SOX7: variants seen among roughly 807,000 people sequenced by gnomAD.
The protein encoded by SOX7 is SRY-box transcription factor 7, also known as transcription factor SOX-7.
Under a neutral mutation model 24.9 loss-of-function variants are expected in SOX7, and 19 were observed. That is an observed-to-expected ratio of 0.76 (90% CI 0.53 to 1.12). The LOEUF is 1.12. Ranked by LOEUF, SOX7 falls within the 50% of genes most tolerant of loss-of-function variation. The pLI is 0.00. For synonymous variants in SOX7, 327 were observed against 244.5 expected (o/e 1.34, Z -3.15); for missense variants, 702 against 535.0 (o/e 1.31, Z -3.08).
At position 10,730,360 on chromosome 8, in the gene SOX7, T is replaced by G; in HGVS notation, c.74A>C (p.Asp25Ala). 3.2e-6 allele frequency: 5 copies of G among 1,563,386 alleles called. No individual in the cohort carries two copies. Among genetic ancestry groups the G allele is most frequent in the Non-Finnish European group, 3.5e-6 (4 of 1,159,056 alleles). The change falls in exon 1 of 2, where the codon GAT (aspartate) becomes GCT (alanine). Residue 25 changes from aspartate (D) to alanine (A), a missense_variant. Coordinates refer to ENST00000304501, the MANE Select transcript of SOX7 (RefSeq NM_031439.4). This position sits in a 1 kb window ranked among gnomAD's most constrained non-coding sequence, Gnocchi z 4.8. ...ECPALDAELS[D>A]GQSPPAVPRP... ...GGGGACGGCCGGCGGCGATTGTCCA[T>G]CCGACAGCTCGGCGTCCAGGGCCGG...
intron 1 of SOX7, among the ~76,000 whole-genome samples, chr8:10,728,916 T>A (rs1206590191): frequency 6.6e-6 from 1 of 152,250 alleles, no homozygotes; most frequent in Non-Finnish European, 1.5e-5. Flanking sequence ...AATAAAATGT[T>A]TTATTATTGT....
At chr8:10,728,237 C>G (rs1800193218) in intron 1 of SOX7, among the ~76,000 whole-genome samples, 1 of 152,174 alleles carries the variant, frequency 6.6e-6, no homozygotes, top group Non-Finnish European at 1.5e-5. Context: ...AATACGTGTT[C>G]ATTTAAAAAT....
rs1448040689 is a variant in SOX7, at chr8:10,725,852, G to T, written c.1053C>A (p.Leu351=). 1 of 1,614,238 alleles carries T rather than the reference G, an allele frequency of 6.2e-7. No individual in the cohort carries two copies. ...HPDSATGAMA[L]SGHVPVSQVT... Reference sequence around the variant, plus strand: ...CCTGGGAGACCGGAACATGCCCACTGAGGGCCATGGCCCCTGTGGCGGAGT... The same window carrying T: ...CCTGGGAGACCGGAACATGCCCACTTAGGGCCATGGCCCCTGTGGCGGAGT... The change falls in exon 2 of 2, where the codon CTC becomes CTA. Residue 351 remains leucine (L), a synonymous_variant. Coordinates refer to ENST00000304501, the MANE Select transcript of SOX7 (RefSeq NM_031439.4).
In SOX7 at chr8:10,726,336, G is replaced by T; in HGVS notation, c.569C>A (p.Thr190Asn). The T allele has an allele frequency of 6.2e-7, 1 of 1,612,628 alleles. No homozygotes were observed. The highest frequency in any genetic ancestry group is 8.5e-7 in the Non-Finnish European group (1 of 1,179,646). ...CGGGTACGTGTCCACACTGCTCGGG[G>T]TGCCGCCGCCGCCACCACCAGCCGG... is the stretch of plus-strand genomic sequence containing the variant. ...EGPAGGGGGG[T>N]PSSVDTYPYG... Residue 190 changes from threonine (T) to asparagine (N), a missense_variant, in exon 2 of 2, where the codon ACC becomes AAC. Transcript: ENST00000304501.
chr8:10,730,161 CGG>C lies in SOX7; in HGVS notation c.238+33_238+34del. ...CCGCCAGCCGCCCGCCGCCCGCCCC[CGG>C]CCCCCAGCCCGCTCGGCCGCGCGCT... On this transcript the variant is annotated intron_variant, in intron 1 of 1. Transcript: ENST00000304501. This position sits in a 1 kb window ranked among gnomAD's most constrained non-coding sequence, Gnocchi z 4.8. 1.4e-6 allele frequency: 2 copies of C among 1,413,806 alleles called. No homozygotes were observed. The highest frequency in any genetic ancestry group is 1.8e-6 in the Non-Finnish European group (2 of 1,081,976). The allele number at this position is 1,413,806 out of a possible 1,614,324, so 87.6% of individuals were successfully genotyped here.
In SOX7 at chr8:10,726,384, A is replaced by T; in HGVS notation, c.521T>A (p.Leu174His). ...EYSPGTALPS[L>H]RGCYHEGPAG... ...CGGCCCCTCGTGGTAGCAGCCCCGG[A>T]GGCTGGGCAGGGCAGTGCCGGGGGA... The change falls in exon 2 of 2, where the codon CTC becomes CAC. Residue 174 changes from leucine (L) to histidine (H), a missense_variant. Leu to His is a moderately conservative substitution (Grantham distance 99). Transcript: ENST00000304501. 6.2e-7 allele frequency: 1 copy of T among 1,612,304 alleles called. No homozygotes were observed.
intron 1 of SOX7, among the ~76,000 whole-genome samples, chr8:10,728,173 A>G (rs7836366): frequency 0.66 from 100,591 of 152,154 alleles, 34,197 homozygotes; most frequent in African/African-American, 0.82. Context: ...TGTGGTCTCA[A>G]TATAAAATGT....
intron 1 of SOX7, among the ~76,000 whole-genome samples, chr8:10,727,263 G>A (rs560882564): frequency 2.0e-5 from 3 of 152,256 alleles, no homozygotes; most frequent in South Asian, 4.1e-4. Context: ...TCTGAAGGTC[G>A]AATAGAACCC....
Position 10,726,478 on chromosome 8 carries a change from T to G in SOX7, c.427A>C (p.Asn143His), listed in dbSNP as rs1212903834. 1 of 1,612,332 alleles carries G rather than the reference T, an allele frequency of 6.2e-7. No homozygotes were observed. The highest frequency in any genetic ancestry group is 1.7e-5 in the Admixed American group (1 of 60,016). Residue 143 changes from asparagine (N) to histidine (H), a missense_variant, in exon 2 of 2, where the codon AAC becomes CAC. Physicochemically the swap from Asn to His is moderately conservative, Grantham distance 68. Coordinates refer to ENST00000304501, the MANE Select transcript of SOX7 (RefSeq NM_031439.4). ...FLLSSLSRDQ[N>H]ALPEKRSGSR... is the part of the protein sequence containing the mutation. ...CCGCTTCTCTTCTCCGGCAGGGCGT[T>G]CTGGTCCCGGGAGAGGGAGCTCAGA...
chr8:10,726,814 T>G, intron 1 of SOX7, 148 bp from the exon 2 acceptor site: 1 of 728,772 alleles, frequency 1.4e-6, no homozygotes, highest in Non-Finnish European at 2.2e-6. Context: ...TTGCACCCTC[T>G]TCCCAGCCCA....
Position 10,726,280 on chromosome 8 carries a change from G to T in SOX7, c.625C>A (p.Pro209Thr). 1 of 1,613,902 alleles carries T rather than the reference G, an allele frequency of 6.2e-7. No individual in the cohort carries two copies. Among genetic ancestry groups the T allele is most frequent in the Non-Finnish European group, 8.5e-7 (1 of 1,179,980 alleles). The change falls in exon 2 of 2, where the codon CCC becomes ACC. Residue 209 changes from proline to threonine, a missense_variant. Transcript: ENST00000304501. Reference sequence around the variant, plus strand: ...TGCTCCGGCTCCAGCACGTCCAGGGGAGACATTTCAGGAGGTGTGGGCAGC... The same window carrying T: ...TGCTCCGGCTCCAGCACGTCCAGGGTAGACATTTCAGGAGGTGTGGGCAGC... The part of the protein sequence containing the change: ...YGLPTPPEMS[P>T]LDVLEPEQTF...
intron 1 of SOX7, among the ~76,000 whole-genome samples, chr8:10,727,880 G>C (rs1464821132): frequency 6.6e-6 from 1 of 152,268 alleles, no homozygotes; most frequent in Non-Finnish European, 1.5e-5. Flanking sequence ...GCCAGGTGCA[G>C]AGCCGTGCAC....
chr8:10,725,679 C>A lies in SOX7; in HGVS notation c.*59G>T. 6.3e-7 allele frequency: 1 copy of A among 1,583,908 alleles called. No homozygotes were observed. Among genetic ancestry groups the A allele is most frequent in the South Asian group, 1.1e-5 (1 of 89,518 alleles). On this transcript the variant is annotated 3_prime_UTR_variant, in exon 2 of 2. Coordinates refer to ENST00000304501, the MANE Select transcript of SOX7 (RefSeq NM_031439.4). ...CTGGTGTGGCTGGACGGCTCCTCTG[C>A]CACTCAAGGCACAAGAAGGAGAGGG...
At position 10,725,713 on chromosome 8, in the gene SOX7, C is replaced by G; in HGVS notation, c.*25G>C. ...GCACAAGAAGGAGAGGGCGCGAGGG[C>G]TGACCGGACGGGGCGCCTCCAGCTC... is the stretch of plus-strand genomic sequence containing the variant. On this transcript the variant is annotated 3_prime_UTR_variant, in exon 2 of 2. Coordinates refer to ENST00000304501, the MANE Select transcript of SOX7 (RefSeq NM_031439.4). The G allele has an allele frequency of 6.2e-7, 1 of 1,613,490 alleles. No homozygotes were observed. Among genetic ancestry groups the G allele is most frequent in the Non-Finnish European group, 8.5e-7 (1 of 1,179,762 alleles).
chr8:10,730,134 TGCCGCCA>T lies in SOX7; in HGVS notation c.238+55_238+61del. Reference sequence around the variant, plus strand: ...CTCCGCGCTCGCACCCGCCCTGCAGTGCCGCCAGCCGCCCGCCGCCCGCCCCCGGCCC... The same window carrying T: ...CTCCGCGCTCGCACCCGCCCTGCAGTGCCGCCCGCCGCCCGCCCCCGGCCC... On this transcript the variant is annotated intron_variant, in intron 1 of 1. Coordinates refer to ENST00000304501, the MANE Select transcript of SOX7 (RefSeq NM_031439.4). The surrounding 1 kb of genome is among the most constrained non-coding windows in gnomAD (Gnocchi z 4.8). 7.9e-7 allele frequency: 1 copy of T among 1,272,620 alleles called. No individual in the cohort carries two copies. The highest frequency in any genetic ancestry group is 1.0e-6 in the Non-Finnish European group (1 of 987,858). The allele number at this position is 1,272,620 out of a possible 1,614,324, so 78.8% of individuals were successfully genotyped here. A position where few individuals can be genotyped will look rare whatever the true frequency, so the allele number is the denominator to read the frequency against.
rs1800162302 is a variant in SOX7, at chr8:10,726,647, C to T, written c.258G>A (p.Leu86=). The T allele has an allele frequency of 8.9e-6, 14 of 1,578,794 alleles. No homozygotes were observed. Among genetic ancestry groups the T allele is most frequent in the Non-Finnish European group, 1.0e-5 (12 of 1,166,728 alleles). The change falls in exon 2 of 2, where the codon CTG becomes CTA. Residue 86 remains leucine, a synonymous_variant. Coordinates refer to ENST00000304501, the MANE Select transcript of SOX7 (RefSeq NM_031439.4). ...SKMLGKSWKA[L]TLSQKRPYVD... is the part of the protein sequence containing the mutation. ...CGTACGGCCTCTTCTGGGACAGCGT[C>T]AGCGCCTTCCACGACTTTCCTGCTC...
chr8:10,726,729 C>G lies in SOX7; in HGVS notation c.239-63G>C, dbSNP rs1004211561. The G allele has an allele frequency of 3.7e-5, 52 of 1,408,404 alleles. 1 individual carries two copies. The highest frequency in any genetic ancestry group is 2.7e-5 in the Non-Finnish European group (28 of 1,047,148). The allele number at this position is 1,408,404 out of a possible 1,614,324, so 87.2% of individuals were successfully genotyped here. Reference sequence around the variant, plus strand: ...GTGCCCCGCAGGCATCGCACATGCACACGCGTGCACACACACGTGCACATG... The same window carrying G: ...GTGCCCCGCAGGCATCGCACATGCAGACGCGTGCACACACACGTGCACATG... On this transcript the variant is annotated intron_variant, in intron 1 of 1. Coordinates refer to ENST00000304501, the MANE Select transcript of SOX7 (RefSeq NM_031439.4).
In SOX7 at chr8:10,726,172, C is replaced by T; in HGVS notation, c.733G>A (p.Glu245Lys). 8 of 1,608,782 alleles carry T rather than the reference C, an allele frequency of 5.0e-6. No homozygotes were observed. Among genetic ancestry groups the T allele is most frequent in the Non-Finnish European group, 6.8e-6 (8 of 1,177,524 alleles). The change falls in exon 2 of 2, where the codon GAG (glutamate) becomes AAG (lysine). Residue 245 changes from glutamate (E) to lysine (K), a missense_variant. Physicochemically the swap from Glu to Lys is moderately conservative, Grantham distance 56. Coordinates refer to ENST00000304501, the MANE Select transcript of SOX7 (RefSeq NM_031439.4). ...CAGTGGAGAGGGCTTGGGGCGTACT[C>T]CGGTGAGTACGGGTGCCCTGGCAGG... ...PHLPGHPYSP[E>K]YAPSPLHCSH...
chr8:10,727,331 C>A (rs1364962225), intron 1 of SOX7, among the ~76,000 whole-genome samples: 2 of 152,182 alleles, frequency 1.3e-5, no homozygotes, highest in South Asian at 2.1e-4. Context: ...TACGCACACC[C>A]AGACACATGC....
Sources: allele counts gnomAD v4.1 joint callset (sites outside exome capture counted in the v4.1 genomes callset), GRCh38; gene constraint gnomAD v4.1.1; non-coding constraint Gnocchi (gnomAD v3.1); transcripts MANE v1.5; gene names NCBI Gene and HGNC (gene_info 2026-07-23, HGNC 2026-07-21).